The following COQ5 variants were observed in gnomAD, a reference collection of about 807,000 sequenced individuals.
COQ5 encodes coenzyme Q5, methyltransferase, also known as 2-methoxy-6-polyprenyl-1,4-benzoquinol methylase, mitochondrial.
Under a neutral mutation model 40.5 loss-of-function variants are expected in COQ5, and 27 were observed. That is an observed-to-expected ratio of 0.67 (90% CI 0.49 to 0.92). The LOEUF is 0.92. COQ5 is among the 40% of genes least tolerant of loss of function. COQ5 has a pLI of 0.00. For synonymous variants in COQ5, 141 were observed against 150.0 expected (o/e 0.94, Z 0.44); for missense variants, 409 against 406.4 (o/e 1.01, Z -0.06).
intron 1 of COQ5, among the ~76,000 whole-genome samples, chr12:120,528,203 A>AAAAT (rs56103240): frequency 0.047 from 7,050 of 148,798 alleles, 220 homozygotes; most frequent in Non-Finnish European, 0.061. Context: ...ACTCCGTCTC[A>AAAAT]AAATAAATAA....
chr12:120,521,829 T>C (rs556744521), intron 2 of COQ5, among the ~76,000 whole-genome samples: 1 of 152,022 alleles, frequency 6.6e-6, no homozygotes, highest in African/African-American at 2.4e-5. Flanking sequence ...AAACCCCGTC[T>C]CTACTAAAAT....
chr12:120,519,476 C>G (rs1869540527), intron 2 of COQ5, among the ~76,000 whole-genome samples: 1 of 152,122 alleles, frequency 6.6e-6, no homozygotes, highest in Admixed American at 6.6e-5. Flanking sequence ...ATGAGAATCA[C>G]TTTAACCCAG....
chr12:120,522,583 G>T, intron 1 of COQ5: 1 of 645,796 alleles, frequency 1.5e-6, no homozygotes, highest in Non-Finnish European at 2.8e-6. Context: ...TAGCACAGGA[G>T]GACCCCAGCC....
chr12:120,510,181 G>GT lies in COQ5; in HGVS notation c.575-59dup, dbSNP rs1295180673. The GT allele has an allele frequency of 4.5e-6, 6 of 1,338,422 alleles. No individual in the cohort carries two copies. The East Asian group carries it at 1.4e-4, about 31-fold the overall frequency. 82.9% of individuals were successfully genotyped at this position (1,338,422 alleles called of 1,614,324 possible). A position where few individuals can be genotyped will look rare whatever the true frequency, so the allele number is the denominator to read the frequency against. On this transcript the variant is annotated intron_variant, in intron 3 of 6. Coordinates refer to ENST00000288532, the MANE Select transcript of COQ5 (RefSeq NM_032314.4). Reference sequence around the variant, plus strand: ...TGGGTAGCTGTTTTTCCTGCCCCCAGTGAATTCATTTCATGTAGAGCATTG... The same window carrying GT: ...TGGGTAGCTGTTTTTCCTGCCCCCAGTTGAATTCATTTCATGTAGAGCATTG...
chr12:120,522,552 C>A, intron 1 of COQ5, 189 bp from the exon 2 acceptor site: 2 of 654,018 alleles, frequency 3.1e-6, no homozygotes, highest in Non-Finnish European at 2.7e-6. Context: ...TTTTTTCCTG[C>A]CTCAGATTTA....
At chr12:120,528,899 G>A in intron 1 of COQ5, 41 bp downstream of exon 1, 5 of 1,570,660 alleles carry the variant, frequency 3.2e-6, no homozygotes, top group Middle Eastern at 1.7e-4. Context: ...CCAGACCATG[G>A]ACGGTCAGAT....
At chr12:120,504,870 A>T (rs1345664127) in intron 5 of COQ5, 25 bp downstream of exon 5, 9 of 1,582,344 alleles carry the variant, frequency 5.7e-6, no homozygotes, top group Non-Finnish European at 7.8e-6. Flanking sequence ...TACAATGAAG[A>T]TAAAGCCCTA....
intron 3 of COQ5, among the ~76,000 whole-genome samples, chr12:120,514,984 G>A (rs1047434775): frequency 6.6e-6 from 1 of 151,922 alleles, no homozygotes; most frequent in East Asian, 2.0e-4. Context: ...TAGAGACAGG[G>A]TTTCTCCATA....
intron 4 of COQ5, among the ~76,000 whole-genome samples, chr12:120,506,329 G>C (rs1213209837): frequency 6.6e-6 from 1 of 151,814 alleles, no homozygotes; most frequent in Non-Finnish European, 1.5e-5. Flanking sequence ...GAGATCAGGA[G>C]AAAGAGATAC....
intron 4 of COQ5, among the ~76,000 whole-genome samples, chr12:120,509,188 C>T (rs1264514835): frequency 6.6e-6 from 1 of 151,930 alleles, no homozygotes; most frequent in Middle Eastern, 3.2e-3. Context: ...CTTTGCCTTG[C>T]ACATGGTCTT....
chr12:120,522,988 G>A (rs1305606583), intron 1 of COQ5: 7 of 555,292 alleles, frequency 1.3e-5, no homozygotes, highest in Non-Finnish European at 1.9e-5. Context: ...TTGGCAAAGC[G>A]CATGTTCCTC....
At chr12:120,528,019 A>AAAAAAAC (rs1870041078) in intron 1 of COQ5, among the ~76,000 whole-genome samples, 1 of 134,020 alleles carries the variant, frequency 7.5e-6, no homozygotes, top group African/African-American at 2.7e-5. Flanking sequence ...AAAAAAAAAA[A>AAAAAAAC]AAAGAAACCC....
At chr12:120,520,290 C>A (rs992651060) in intron 2 of COQ5, among the ~76,000 whole-genome samples, 9 of 150,824 alleles carry the variant, frequency 6.0e-5, no homozygotes, top group African/African-American at 1.9e-4. Context: ...ATTACAGACG[C>A]CCGCCACCTT....
chr12:120,509,749 T>C, intron 4 of COQ5: 1 of 423,840 alleles, frequency 2.4e-6, no homozygotes, highest in Non-Finnish European at 4.4e-6. Context: ...TTATCTTTTT[T>C]AAGATTAAAA....
chr12:120,504,604 G>A (rs1409051002), intron 5 of COQ5: 1 of 372,166 alleles, frequency 2.7e-6, no homozygotes, highest in Non-Finnish European at 5.1e-6. Context: ...GGGGGGTTGA[G>A]TAGCAACGTT....
At chr12:120,513,373 G>A (rs1192695823) in intron 3 of COQ5, among the ~76,000 whole-genome samples, 2 of 150,928 alleles carry the variant, frequency 1.3e-5, no homozygotes, top group Non-Finnish European at 3.0e-5. Context: ...GTGGCGGCAT[G>A]TGCCTGTAGT....
intron 5 of COQ5, among the ~76,000 whole-genome samples, chr12:120,504,324 A>T (rs1272145879): frequency 6.6e-6 from 1 of 151,866 alleles, no homozygotes; most frequent in African/African-American, 2.4e-5. Flanking sequence ...ATGTGGGGAG[A>T]TAGGCCTACC....
At chr12:120,524,353 C>T (rs1018517125) in intron 1 of COQ5, among the ~76,000 whole-genome samples, 9 of 151,994 alleles carry the variant, frequency 5.9e-5, no homozygotes, top group Non-Finnish European at 1.0e-4. Context: ...CTCTGCCTCC[C>T]GGGTTCACGC....
At chr12:120,522,067 A>C (rs977486441) in intron 2 of COQ5, 147 bp downstream of exon 2, 7 of 734,066 alleles carry the variant, frequency 9.5e-6, no homozygotes, top group South Asian at 9.2e-5. Context: ...CAAAAAGATA[A>C]GTGCGTGCCT....
Sources: gnomAD v4.1 joint callset for allele counts (sites outside exome capture counted in the v4.1 genomes callset) on GRCh38, gnomAD v4.1.1 for gene constraint, MANE v1.5 for transcripts, NCBI Gene and HGNC (gene_info 2026-07-23, HGNC 2026-07-21) for gene names.